The following MAGI1 variants were observed in gnomAD, a reference collection of about 807,000 sequenced individuals.
MAGI1 encodes the protein membrane-associated guanylate kinase, WW and PDZ domain-containing protein 1.
Under a neutral mutation model 139.9 loss-of-function variants are expected in MAGI1, and 58 were observed. The observed-to-expected ratio is 0.41, with a 90% CI of 0.34 to 0.52. The LOEUF (loss-of-function observed/expected upper bound fraction) is 0.52, where lower values mean the gene tolerates loss of function less well. Ranked by LOEUF, MAGI1 falls within the 20% of genes least tolerant of loss-of-function variation. The pLI is 0.12. For missense variants in MAGI1, 1,874 were observed against 1,901.6 expected, an observed-to-expected ratio of 0.99 and a Z score of 0.27; for synonymous variants, 812 against 737.9, an observed-to-expected ratio of 1.10 and a Z score of -1.63.
intron 1 of MAGI1, among the ~76,000 whole-genome samples, chr3:65,883,318 C>G (rs1008704545): frequency 3.9e-5 from 6 of 152,120 alleles, no homozygotes; most frequent in Admixed American, 1.3e-4. Context: ...TCACAAAACC[C>G]TCCTCCACAG....
intron 2 of MAGI1, among the ~76,000 whole-genome samples, chr3:65,610,795 G>A (rs1394248704): frequency 4.9e-5 from 4 of 81,850 alleles, no homozygotes; most frequent in Non-Finnish European, 1.1e-4. Context: ...AGTATATATA[G>A]TATATATAGG....
At position 65,356,510 on chromosome 3, in the gene MAGI1, G is replaced by A; in HGVS notation, c.4257C>T (p.Asn1419=). 2 of 1,610,096 alleles carry A rather than the reference G, an allele frequency of 1.2e-6. No homozygotes were observed. Among genetic ancestry groups the A allele is most frequent in the Middle Eastern group, 1.7e-4 (1 of 6,056 alleles). ...CTCGGTGGCTGGCTCTGTCCTCTCTGTTCCTTTTGTCCAGGGACCGCTCTC... is the reference window on the plus strand; with the variant it reads ...CTCGGTGGCTGGCTCTGTCCTCTCTATTCCTTTTGTCCAGGGACCGCTCTC... The part of the protein sequence containing the change: ...RRRERSLDKR[N]REDRASHRER... Residue 1419 remains asparagine, a synonymous_variant, in exon 23 of 23, where the codon AAC becomes AAT. Coordinates refer to ENST00000402939, the MANE Select transcript of MAGI1 (RefSeq NM_001033057.2).
intron 2 of MAGI1, among the ~76,000 whole-genome samples, chr3:65,576,205 C>T (rs1427705440): frequency 1.3e-5 from 2 of 152,128 alleles, no homozygotes; most frequent in Non-Finnish European, 2.9e-5. Flanking sequence ...TTTCTGTTTG[C>T]TTCTTGTTTC....
At chr3:65,775,721 G>C (rs1445010619) in intron 1 of MAGI1, among the ~76,000 whole-genome samples, 1 of 151,634 alleles carries the variant, frequency 6.6e-6, no homozygotes, top group African/African-American at 2.4e-5. Flanking sequence ...TGGGCGGGTT[G>C]CTTGAGCCCC....
chr3:65,446,446 C>G (rs1948677094), intron 7 of MAGI1, among the ~76,000 whole-genome samples: 1 of 152,182 alleles, frequency 6.6e-6, no homozygotes, highest in Non-Finnish European at 1.5e-5. Flanking sequence ...ACAGCACAAG[C>G]AAGTCACCAC....
chr3:65,844,744 G>A (rs1413794830), intron 1 of MAGI1, among the ~76,000 whole-genome samples: 1 of 152,152 alleles, frequency 6.6e-6, no homozygotes, highest in African/African-American at 2.4e-5. Context: ...GCTTATTTTA[G>A]AGCATTTTCC....
chr3:65,773,637 T>C (rs1161212494), intron 1 of MAGI1, among the ~76,000 whole-genome samples: 1 of 152,216 alleles, frequency 6.6e-6, no homozygotes, highest in Non-Finnish European at 1.5e-5. Flanking sequence ...GCTGTGATGC[T>C]AATGTATATG....
At position 65,402,311 on chromosome 3, in the gene MAGI1, C is replaced by A. The variant is rs191379945; in HGVS notation, c.2168-841G>T. Among the ~76,000 whole-genome samples, 1,007 of 152,222 alleles carry A rather than the reference C, an allele frequency of 6.6e-3. 16 individuals are homozygous for A. The highest frequency in any genetic ancestry group is 6.9e-3 in the Non-Finnish European group (470 of 68,022). The stretch of plus-strand genomic sequence containing the variant: ...TGAATCCAGCTGGCTCTTCCAAAAC[C>A]CTGTCCTTAGTGGGAGGGCTGGAGC... On this transcript the variant is annotated intron_variant, in intron 12 of 22. Coordinates refer to ENST00000402939, the MANE Select transcript of MAGI1 (RefSeq NM_001033057.2).
At chr3:65,888,975 A>T (rs1020513802) in intron 1 of MAGI1, among the ~76,000 whole-genome samples, 2 of 152,248 alleles carry the variant, frequency 1.3e-5, no homozygotes, top group Admixed American at 6.5e-5. Context: ...ATATGTGTGT[A>T]TGTATACATA....
chr3:65,984,512 A>ATGTGTGTGTG (rs34046056), intron 1 of MAGI1, among the ~76,000 whole-genome samples: 10,512 of 140,316 alleles, frequency 0.075, 466 homozygotes, highest in East Asian at 0.15. Context: ...TCAAAATAAA[A>ATGTGTGTGTG]TGTGTGTGTG....
At chr3:65,846,089 C>G (rs2058983743) in intron 1 of MAGI1, among the ~76,000 whole-genome samples, 1 of 152,186 alleles carries the variant, frequency 6.6e-6, no homozygotes, top group African/African-American at 2.4e-5. Context: ...AGGTCAGAAG[C>G]CATCGAAACT....
chr3:65,647,261 G>T (rs984142036), intron 1 of MAGI1, among the ~76,000 whole-genome samples: 2 of 152,096 alleles, frequency 1.3e-5, no homozygotes, highest in Admixed American at 6.6e-5. Flanking sequence ...TTTGACAACT[G>T]AGATGAAATG....
At chr3:65,499,072 A>AT (rs1177128393) in intron 2 of MAGI1, 1 of 969,430 alleles carries the variant, frequency 1.0e-6, no homozygotes. Context: ...AAAAAAAAAA[A>AT]ACAAAAAACT....
intron 3 of MAGI1, among the ~76,000 whole-genome samples, chr3:65,486,833 GTCCCTGCCC>G: frequency 6.6e-6 from 1 of 152,134 alleles, no homozygotes; most frequent in African/African-American, 2.4e-5. Flanking sequence ...TCAGGATGGA[GTCCCTGCCC>G]GGCAAACCTA....
At chr3:65,687,782 C>T (rs751401815) in intron 1 of MAGI1, 24 of 570,018 alleles carry the variant, frequency 4.2e-5, no homozygotes, top group Non-Finnish European at 6.0e-5. Flanking sequence ...ACCATGCTGA[C>T]GAAACTGGCT....
intron 1 of MAGI1, among the ~76,000 whole-genome samples, chr3:65,901,902 A>G (rs1362926794): frequency 2.0e-5 from 3 of 151,440 alleles, no homozygotes; most frequent in Non-Finnish European, 4.4e-5. Context: ...GAAAATACTT[A>G]CGAGGTTTTA....
chr3:65,968,574 T>A (rs2064869798), intron 1 of MAGI1, among the ~76,000 whole-genome samples: 1 of 151,564 alleles, frequency 6.6e-6, no homozygotes, highest in Non-Finnish European at 1.5e-5. Context: ...TGTGTGTGTA[T>A]ATGCACACAG....
intron 2 of MAGI1, among the ~76,000 whole-genome samples, chr3:65,541,146 TA>T (rs1430694617): frequency 6.6e-6 from 1 of 152,120 alleles, no homozygotes; most frequent in Non-Finnish European, 1.5e-5. Context: ...TAAACATCTC[TA>T]CGCAAATAAA....
intron 2 of MAGI1, among the ~76,000 whole-genome samples, chr3:65,542,382 C>T (rs2079275149): frequency 6.6e-6 from 1 of 152,210 alleles, no homozygotes; most frequent in South Asian, 2.1e-4. Flanking sequence ...CCCCATCAAG[C>T]TACCATTGAC....
Sources: gnomAD v4.1 joint callset for allele counts (sites outside exome capture counted in the v4.1 genomes callset) on GRCh38, gnomAD v4.1.1 for gene constraint, MANE v1.5 for transcripts, NCBI Gene and HGNC (gene_info 2026-07-23, HGNC 2026-07-21) for gene names.